The following PVALB variants were observed in gnomAD, a reference collection of about 807,000 sequenced individuals.
The protein encoded by PVALB is parvalbumin, also known as parvalbumin alpha.
A neutral mutation model predicts 10.9 loss-of-function variants in PVALB; 11 were observed. That is an observed-to-expected ratio of 1.01 (90% CI 0.63 to 1.67). PVALB has a LOEUF of 1.67. PVALB is among the 40% of genes most tolerant of loss of function. The pLI is 0.00. For missense variants in PVALB, 131 were observed against 136.2 expected (o/e 0.96, Z 0.19); for synonymous variants, 57 against 50.7 (o/e 1.12, Z -0.53).
At position 36,800,903 on chromosome 22, in the gene PVALB, A is replaced by G; in HGVS notation, c.320T>C (p.Val107Ala). The G allele has an allele frequency of 6.2e-7, 1 of 1,611,586 alleles. No homozygotes were observed. The highest frequency in any genetic ancestry group is 8.5e-7 in the Non-Finnish European group (1 of 1,177,812). Residue 107 changes from valine (V) to alanine (A), a missense_variant, in exon 4 of 4, where the codon GTG becomes GCG. Val to Ala is a moderately conservative substitution (Grantham distance 64, BLOSUM62 0). Transcript: ENST00000417718. ...AGTCAGTGCTTCTTAGCTTTCAGCC[A>G]CCAGAGTGGAGAATTCTGCAGAACA... is the stretch of plus-strand genomic sequence containing the variant. ...KIGVDEFSTL[V>A]AES
intron 1 of PVALB, among the ~76,000 whole-genome samples, chr22:36,815,676 C>T (rs913599968): frequency 1.1e-4 from 16 of 152,108 alleles, no homozygotes; most frequent in African/African-American, 3.9e-4. Context: ...CTTTCTTGGC[C>T]ACAGACTTTG....
intron 3 of PVALB, among the ~76,000 whole-genome samples, chr22:36,805,653 C>A (rs534046878): frequency 2.0e-5 from 3 of 152,256 alleles, no homozygotes; most frequent in Admixed American, 2.0e-4. Context: ...CTCTCTGAGG[C>A]TCAGCTTTCT....
At chr22:36,803,191 C>T (rs1353874950) in intron 3 of PVALB, among the ~76,000 whole-genome samples, 4 of 152,156 alleles carry the variant, frequency 2.6e-5, no homozygotes, top group African/African-American at 9.7e-5. Context: ...TTGACCATGA[C>T]ATGATTCAAG....
intron 3 of PVALB, among the ~76,000 whole-genome samples, chr22:36,810,906 C>T (rs1047789726): frequency 5.9e-5 from 9 of 152,210 alleles, no homozygotes; most frequent in Admixed American, 2.6e-4. Flanking sequence ...CTGATGCCTG[C>T]GCCTCTGCCT....
chr22:36,802,902 G>A (rs1418845671), intron 3 of PVALB, among the ~76,000 whole-genome samples: 2 of 152,094 alleles, frequency 1.3e-5, no homozygotes, highest in Non-Finnish European at 2.9e-5. Flanking sequence ...ACAAATACTC[G>A]TACAGAATCC....
At chr22:36,807,046 T>G (rs1404030881) in intron 3 of PVALB, among the ~76,000 whole-genome samples, 2 of 152,168 alleles carry the variant, frequency 1.3e-5, no homozygotes, top group Non-Finnish European at 2.9e-5. Context: ...GGCTGCTTCC[T>G]CTCCCCTTGC....
chr22:36,818,441 G>T (rs1939184887), upstream of PVALB: 1 of 152,540 alleles, frequency 6.6e-6, no homozygotes, highest in East Asian at 1.9e-4. Context: ...GGCTCCAGCT[G>T]CCCCCTCCCT....
intron 2 of PVALB, among the ~76,000 whole-genome samples, chr22:36,814,304 T>C (rs2213428): frequency 0.69 from 103,818 of 149,738 alleles, 37,055 homozygotes; most frequent in East Asian, 0.87. Flanking sequence ...TGTGTGTGTG[T>C]GCATAAGTGT....
rs1939089300 is a variant in PVALB at position 36,813,945 on chromosome 22, T to C, written c.195-190A>G. 2.0e-5 allele frequency among the ~76,000 whole-genome samples: 3 copies of C among 151,960 alleles called. 1 individual carries two copies. The highest frequency in any genetic ancestry group is 7.3e-5 in the African/African-American group (3 of 41,354). The stretch of plus-strand genomic sequence containing the variant: ...GTGGCTGTGCTTTCGTGGGTGAGTA[T>C]TTAGGAAAGGACAGGCTGTCCTCAG... On this transcript the variant is annotated intron_variant, in intron 2 of 3. Coordinates refer to ENST00000417718, the MANE Select transcript of PVALB (RefSeq NM_001315532.2).
chr22:36,809,138 C>G (rs573355776), intron 3 of PVALB, among the ~76,000 whole-genome samples: 52 of 152,314 alleles, frequency 3.4e-4, no homozygotes, highest in African/African-American at 1.3e-3. Context: ...CTCCCTGGCA[C>G]CTGCTACAGA....
rs1472986007 is a variant in PVALB at position 36,815,151 on chromosome 22, T to C, written c.146A>G (p.His49Arg). 1 of 1,614,176 alleles carries C rather than the reference T, an allele frequency of 6.2e-7. No individual in the cohort carries two copies. ...KSADDVKKVF[H>R]MLDKDKSGFI... Reference sequence around the variant, plus strand: ...GCCACTTTTGTCCTTGTCCAGCATGTGAAACACCTTCTTCACATCATCCGC... The same window carrying C: ...GCCACTTTTGTCCTTGTCCAGCATGCGAAACACCTTCTTCACATCATCCGC... Residue 49 changes from histidine (H) to arginine (R), a missense_variant, in exon 2 of 4, where the codon CAC (histidine) becomes CGC (arginine). Transcript: ENST00000417718.
At position 36,815,185 on chromosome 22, in the gene PVALB, TC is replaced by T. The variant is rs1939118820; in HGVS notation, c.111del (p.Lys39ArgfsTer6). 1 of 1,614,110 alleles carries T rather than the reference TC, an allele frequency of 6.2e-7. No homozygotes were observed. Among genetic ancestry groups the T allele is most frequent in the African/African-American group, 1.3e-5 (1 of 74,932 alleles). ...HKKFFQMVGLKKKSADDVKKV... is the reference protein window; with the variant it reads ...HKKFFQMVGLXKKSADDVKKV... ...TTCTTCACATCATCCGCACTCTTTTTCTTCAGGCCGACCATTTGGAAGAACT... is the reference window on the plus strand; with the variant it reads ...TTCTTCACATCATCCGCACTCTTTTTTTCAGGCCGACCATTTGGAAGAACT... On this transcript the variant is annotated frameshift_variant, in exon 2 of 4. Transcript: ENST00000417718. LOFTEE classifies it high-confidence loss of function.
intron 3 of PVALB, among the ~76,000 whole-genome samples, chr22:36,812,386 T>C (rs377079212): frequency 8.9e-4 from 136 of 152,290 alleles, no homozygotes; most frequent in African/African-American, 3.1e-3. Context: ...TCCACTTATA[T>C]GTTGGATGTA....
At chr22:36,817,712 C>G (rs1013857056), upstream of PVALB, among the ~76,000 whole-genome samples, 7 of 152,176 alleles carry the variant, frequency 4.6e-5, no homozygotes, top group Non-Finnish European at 8.8e-5. Context: ...TGATGTTTTA[C>G]TTTTATTTTT....
intron 3 of PVALB, among the ~76,000 whole-genome samples, chr22:36,807,398 C>T (rs111501366): frequency 0.012 from 1,821 of 152,312 alleles, 31 homozygotes; most frequent in African/African-American, 0.04. Context: ...TTGATCTGAG[C>T]ATCCTGTCCT....
intron 3 of PVALB, among the ~76,000 whole-genome samples, chr22:36,802,601 C>CAA (rs71322681): frequency 2.6e-4 from 14 of 54,896 alleles, no homozygotes; most frequent in East Asian, 4.5e-4. Flanking sequence ...CTCCATCTCA[C>CAA]ACAAAAAAAA....
chr22:36,800,772 G>GA lies in PVALB; in HGVS notation c.*117dup, dbSNP rs1601516307. ...ATGGTGTCATTAGAGGGCCACAGGG[G>GA]ATGGGGGAGTAAAAAATAACATAAA... On this transcript the variant is annotated 3_prime_UTR_variant, in exon 4 of 4. Transcript: ENST00000417718. 8.9e-7 allele frequency: 1 copy of GA among 1,125,180 alleles called. No individual in the cohort carries two copies. The highest frequency in any genetic ancestry group is 1.4e-6 in the Non-Finnish European group (1 of 736,674). The allele number at this position is 1,125,180 out of a possible 1,614,324, so 69.7% of individuals were successfully genotyped here. A position where few individuals can be genotyped will look rare whatever the true frequency, so the allele number is the denominator to read the frequency against.
chr22:36,813,378 A>C, intron 3 of PVALB: 1 of 425,084 alleles, frequency 2.4e-6, no homozygotes, highest in Non-Finnish European at 4.2e-6. Context: ...GGAAAAAAAA[A>C]TCCCAAATCC....
In PVALB at chr22:36,800,861, G is replaced by A; in HGVS notation, c.*29C>T. On this transcript the variant is annotated 3_prime_UTR_variant, in exon 4 of 4. Transcript: ENST00000417718. Reference sequence around the variant, plus strand: ...CGAGATTGGGTGTTCAGGGCAGAGAGGTGGAAGACCAGGGGCAGTCAGTGC... The same window carrying A: ...CGAGATTGGGTGTTCAGGGCAGAGAAGTGGAAGACCAGGGGCAGTCAGTGC... The A allele has an allele frequency of 6.3e-7, 1 of 1,593,004 alleles. No homozygotes were observed. The highest frequency in any genetic ancestry group is 8.6e-7 in the Non-Finnish European group (1 of 1,160,714).
Sources: gnomAD v4.1 joint callset for allele counts (sites outside exome capture counted in the v4.1 genomes callset) on GRCh38, gnomAD v4.1.1 for gene constraint, MANE v1.5 for transcripts, NCBI Gene and HGNC (gene_info 2026-07-23, HGNC 2026-07-21) for gene names.